The following NTPCR variants were observed in gnomAD, a reference collection of about 807,000 sequenced individuals.
NTPCR encodes nucleoside-triphosphatase, cancer-related.
NTPCR carries 15 observed loss-of-function variants against 19.5 expected under a neutral mutation model. That is an observed-to-expected ratio of 0.77 (90% CI 0.51 to 1.18). The LOEUF (loss-of-function observed/expected upper bound fraction) is 1.18, where lower values mean the gene tolerates loss of function less well. Ranked by LOEUF, NTPCR falls within the 50% of genes most tolerant of loss-of-function variation. NTPCR has a pLI of 0.00. For synonymous variants in NTPCR, 90 were observed against 95.8 expected (o/e 0.94, Z 0.36); for missense variants, 206 against 240.4 (o/e 0.86, Z 0.95).
chr1:232,960,968 C>T (rs1326800660), intron 3 of NTPCR, among the ~76,000 whole-genome samples: 2 of 152,042 alleles, frequency 1.3e-5, no homozygotes, highest in Non-Finnish European at 2.9e-5. Context: ...TGTTTCTGCC[C>T]CTTTTGTATA....
At chr1:232,957,730 A>G (rs1020974237) in intron 3 of NTPCR, among the ~76,000 whole-genome samples, 5 of 152,210 alleles carry the variant, frequency 3.3e-5, no homozygotes, top group Non-Finnish European at 7.3e-5. Flanking sequence ...TACTCTTTCA[A>G]AACTGTTAGT....
chr1:232,968,563 T>A (rs1392245402), intron 3 of NTPCR: 1 of 152,226 alleles, frequency 6.6e-6, no homozygotes. Flanking sequence ...CACCTCTGTG[T>A]GTGCCTTCGA....
chr1:232,960,612 G>A (rs1032033826), intron 3 of NTPCR, among the ~76,000 whole-genome samples: 2 of 152,090 alleles, frequency 1.3e-5, no homozygotes, highest in African/African-American at 4.8e-5. Context: ...AAAGTGCTGG[G>A]ATTACAGGCG....
intron 4 of NTPCR, among the ~76,000 whole-genome samples, chr1:232,970,376 C>T (rs1352103359): frequency 1.3e-5 from 2 of 152,242 alleles, no homozygotes; most frequent in Non-Finnish European, 2.9e-5. Context: ...CCTCACCAGA[C>T]ACTAGGACCT....
intron 3 of NTPCR, among the ~76,000 whole-genome samples, chr1:232,961,127 A>T: frequency 6.6e-6 from 1 of 152,218 alleles, no homozygotes; most frequent in African/African-American, 2.4e-5. Flanking sequence ...TAGTGGTTTC[A>T]TCCTATTTCA....
At chr1:232,957,938 T>C (rs1184674454) in intron 3 of NTPCR, among the ~76,000 whole-genome samples, 1 of 151,994 alleles carries the variant, frequency 6.6e-6, no homozygotes. Context: ...AGAGTTAGTA[T>C]TGGGGTATTT....
At chr1:232,968,141 A>G (rs1300284894) in intron 3 of NTPCR, 1 of 152,156 alleles carries the variant, frequency 6.6e-6, no homozygotes, top group Non-Finnish European at 1.5e-5. Flanking sequence ...GCGGACGAGG[A>G]CAACCATGTA....
chr1:232,950,687 C>T lies in NTPCR; in HGVS notation c.-24C>T. ...CCAACCTGGACTGCTCCCCTGACCG[C>T]AACCCCTACCCCCGCCCACCAGTAT... On this transcript the variant is annotated 5_prime_UTR_variant, in exon 1 of 5. Coordinates refer to ENST00000366628, the MANE Select transcript of NTPCR (RefSeq NM_032324.3). 6.2e-7 allele frequency: 1 copy of T among 1,603,988 alleles called. No individual in the cohort carries two copies. Among genetic ancestry groups the T allele is most frequent in the East Asian group, 2.2e-5 (1 of 44,518 alleles).
chr1:232,970,499 G>T (rs1463879570), intron 4 of NTPCR, among the ~76,000 whole-genome samples: 3 of 152,112 alleles, frequency 2.0e-5, no homozygotes, highest in South Asian at 2.1e-4. Flanking sequence ...TTGTTTTAAA[G>T]ATTTCCCTTT....
At chr1:232,976,200 T>C (rs1006134933) in intron 4 of NTPCR, 1 of 945,140 alleles carries the variant, frequency 1.1e-6, no homozygotes, top group Non-Finnish European at 1.4e-6. Context: ...GATGTTTCAG[T>C]GCATGTATAC....
At chr1:232,963,131 T>C (rs1305525326) in intron 3 of NTPCR, 1 of 152,224 alleles carries the variant, frequency 6.6e-6, no homozygotes, top group Non-Finnish European at 1.5e-5. Flanking sequence ...TACAAGTATG[T>C]AATGCAGGAT....
At chr1:232,970,516 T>G (rs72759987) in intron 4 of NTPCR, among the ~76,000 whole-genome samples, 32,844 of 152,072 alleles carry the variant, frequency 0.22, 3,551 homozygotes, top group African/African-American at 0.24. Flanking sequence ...CTTTTAAAGC[T>G]GACCCACTTG....
rs575595590 is a variant in NTPCR, at chr1:232,952,476, T to C, written c.34+1732T>C. ...CTCCCATCTGGGCCTCCCAAAATAC[T>C]GGGATTATAAGTGTGAGCCACCTTA... On this transcript the variant is annotated intron_variant, in intron 1 of 4. Transcript: ENST00000366628. Among the ~76,000 whole-genome samples the C allele has an allele frequency of 3.3e-5, 5 of 151,980 alleles. No homozygotes were observed. In the East Asian group the frequency reaches 9.7e-4, roughly 30 times the overall value.
chr1:232,958,145 A>G (rs1668564651), intron 3 of NTPCR, among the ~76,000 whole-genome samples: 2 of 152,204 alleles, frequency 1.3e-5, no homozygotes, highest in African/African-American at 2.4e-5. Flanking sequence ...TACTACTTTG[A>G]TTTGTGAAAA....
Position 232,982,360 on chromosome 1 carries a change from A to C in NTPCR, c.*4129A>C, listed in dbSNP as rs909944984. The C allele has an allele frequency of 1.3e-5, 2 of 152,216 alleles. No homozygotes were observed. The highest frequency in any genetic ancestry group is 4.8e-5 in the African/African-American group (2 of 41,448). 9.4% of individuals were successfully genotyped at this position (152,216 alleles called of 1,614,324 possible). ...CAGTTGCCTGCGGATGTGTGTGCAC[A>C]TCTGTGCCTCGGTATGCACACTCGA... On this transcript the variant is annotated 3_prime_UTR_variant, in exon 5 of 5. Transcript: ENST00000366628.
At chr1:232,965,700 G>T (rs1435216501) in intron 3 of NTPCR, 2 of 152,308 alleles carry the variant, frequency 1.3e-5, no homozygotes, top group Non-Finnish European at 2.9e-5. Flanking sequence ...CAGAGCATGA[G>T]GAGGACGAGG....
chr1:232,980,364 G>C lies in NTPCR; in HGVS notation c.*2133G>C, dbSNP rs1276963801. Reference sequence around the variant, plus strand: ...GAGCACAGTGATAGCGGTGACAAAGGAGATTTGAACCCACGTCTGCGTGGC... The same window carrying C: ...GAGCACAGTGATAGCGGTGACAAAGCAGATTTGAACCCACGTCTGCGTGGC... On this transcript the variant is annotated 3_prime_UTR_variant, in exon 5 of 5. Coordinates refer to ENST00000366628, the MANE Select transcript of NTPCR (RefSeq NM_032324.3). 6.6e-6 allele frequency: 1 copy of C among 152,206 alleles called. No individual in the cohort carries two copies. The highest frequency in any genetic ancestry group is 1.5e-5 in the Non-Finnish European group (1 of 68,050). 9.4% of individuals were successfully genotyped at this position (152,206 alleles called of 1,614,324 possible).
chr1:232,950,701 G>A lies in NTPCR; in HGVS notation c.-10G>A, dbSNP rs1668337236. On this transcript the variant is annotated 5_prime_UTR_variant, in exon 1 of 5. Transcript: ENST00000366628. The stretch of plus-strand genomic sequence containing the variant: ...TCCCCTGACCGCAACCCCTACCCCC[G>A]CCCACCAGTATGGCCCGGCACGTGT... 2.5e-6 allele frequency: 4 copies of A among 1,605,282 alleles called. No individual in the cohort carries two copies. The highest frequency in any genetic ancestry group is 3.4e-6 in the Non-Finnish European group (4 of 1,174,428).
At chr1:232,965,868 C>T (rs1668802379) in intron 3 of NTPCR, 1 of 152,268 alleles carries the variant, frequency 6.6e-6, no homozygotes, top group Non-Finnish European at 1.5e-5. Context: ...CCATTTAGGA[C>T]ATCCAGGAAG....
Sources: allele counts gnomAD v4.1 joint callset (sites outside exome capture counted in the v4.1 genomes callset), GRCh38; gene constraint gnomAD v4.1.1; transcripts MANE v1.5; gene names NCBI Gene and HGNC (gene_info 2026-07-23, HGNC 2026-07-21).